The following DMD variants were observed in gnomAD, a reference collection of about 807,000 sequenced individuals.
DMD encodes mutant dystrophin.
Under a neutral mutation model 330.1 loss-of-function variants are expected in DMD, and 63 were observed. The observed-to-expected ratio is 0.19, with a 90% CI of 0.16 to 0.24. The LOEUF is 0.24. Ranked by LOEUF, DMD falls within the 10% of genes least tolerant of loss-of-function variation. DMD has a pLI of 1.00. For missense variants in DMD, 3,344 were observed against 2,684.1 expected, an observed-to-expected ratio of 1.25 and a Z score of -5.43; for synonymous variants, 1,223 against 959.8, an observed-to-expected ratio of 1.27 and a Z score of -5.07.
At chrX:31,308,649 T>C (rs1283836599) in intron 62 of DMD, among the ~76,000 whole-genome samples, 1 of 111,620 alleles carries the variant, frequency 9.0e-6, no homozygotes, top group Admixed American at 9.6e-5. Context: ...TGGACTCAAG[T>C]GATCTTCCTG....
chrX:31,569,573 G>C (rs74493945), intron 55 of DMD, among the ~76,000 whole-genome samples: 1 of 87,291 alleles, frequency 1.1e-5, no homozygotes, highest in Non-Finnish European at 2.4e-5. Flanking sequence ...ATATATATGT[G>C]TATATATATA....
intron 7 of DMD, among the ~76,000 whole-genome samples, chrX:32,790,071 G>T (rs1237896055): frequency 9.0e-6 from 1 of 111,500 alleles, no homozygotes; most frequent in South Asian, 3.7e-4. Context: ...AACTCCACAC[G>T]ATTGCCATAA....
chrX:32,332,953 T>C (rs1438987997), intron 41 of DMD, among the ~76,000 whole-genome samples: 2 of 109,966 alleles, frequency 1.8e-5, no homozygotes, highest in African/African-American at 6.6e-5. Flanking sequence ...AAGACATATA[T>C]AGAATAAATA....
In DMD at chrX:32,998,720, CTTA is replaced by C. The variant is rs755295054; in HGVS notation, c.93+21416_93+21418del. On this transcript the variant is annotated intron_variant, in intron 2 of 78. Transcript: ENST00000357033. ...TTCATTTTCTGTGTATTTTAACTAA[CTTA>C]TTGAGATGCTTGAACAAATTGAAAT... 3.4e-3 allele frequency among the ~76,000 whole-genome samples: 381 copies of C among 111,297 alleles called. 2 individuals carry two copies. Among genetic ancestry groups the C allele is most frequent in the Admixed American group, 5.9e-3 (61 of 10,365 alleles).
intron 44 of DMD, among the ~76,000 whole-genome samples, chrX:32,161,083 A>G (rs777128200): frequency 5.7e-4 from 64 of 111,522 alleles, no homozygotes; most frequent in African/African-American, 2.1e-3. Context: ...CTTGCTTCCT[A>G]TATGCAAACA....
chrX:32,014,543 T>C (rs926933436), intron 44 of DMD, among the ~76,000 whole-genome samples: 1 of 111,701 alleles, frequency 9.0e-6, no homozygotes, highest in Non-Finnish European at 1.9e-5. Context: ...TATTATGACC[T>C]GGGAAAAGTT....
At chrX:31,994,710 T>C (rs1034431676) in intron 44 of DMD, among the ~76,000 whole-genome samples, 2 of 111,645 alleles carry the variant, frequency 1.8e-5, no homozygotes, top group Non-Finnish European at 3.8e-5. Context: ...GACTTGAGGA[T>C]CATCAGCCTT....
chrX:33,307,956 G>A (rs772870479), intron 1 of DMD, among the ~76,000 whole-genome samples: 1 of 111,962 alleles, frequency 8.9e-6, no homozygotes, highest in East Asian at 2.8e-4. Context: ...TTGCTAAGAT[G>A]TGAGGCATAA....
intron 63 of DMD, among the ~76,000 whole-genome samples, chrX:31,232,002 G>A (rs746404021): frequency 9.4e-6 from 1 of 106,576 alleles, no homozygotes; most frequent in African/African-American, 3.4e-5. Flanking sequence ...CTTGGAGAAG[G>A]TGACATTGAA....
intron 1 of DMD, among the ~76,000 whole-genome samples, chrX:33,151,179 T>C (rs748017599): frequency 8.9e-6 from 1 of 112,437 alleles, no homozygotes; most frequent in East Asian, 2.8e-4. Context: ...GCGTTTGATT[T>C]TTAACTACAC....
At chrX:31,173,389 A>G in intron 72 of DMD, 150 bp downstream of exon 72, 1 of 582,845 alleles carries the variant, frequency 1.7e-6, no homozygotes. Flanking sequence ...CATGCAGTGG[A>G]ACGGCATGCA....
intron 44 of DMD, among the ~76,000 whole-genome samples, chrX:32,089,131 C>T (rs922368854): frequency 1.1e-4 from 12 of 111,283 alleles, no homozygotes; most frequent in African/African-American, 3.3e-4. Context: ...AGGGCTTAGT[C>T]GTGTAGCCAT....
At chrX:31,662,742 T>C (rs764626107) in intron 53 of DMD, among the ~76,000 whole-genome samples, 143 of 111,960 alleles carry the variant, frequency 1.3e-3, no homozygotes, top group African/African-American at 4.5e-3. Flanking sequence ...CCCAGTTTTG[T>C]CATCTGTAAA....
At chrX:33,276,983 TTG>T (rs1298240833) in intron 1 of DMD, among the ~76,000 whole-genome samples, 1 of 112,148 alleles carries the variant, frequency 8.9e-6, no homozygotes, top group African/African-American at 3.2e-5. Flanking sequence ...ACGTATACAT[TTG>T]TGTGTGTATG....
At chrX:32,440,101 T>C (rs182096246) in intron 28 of DMD, among the ~76,000 whole-genome samples, 1 of 111,644 alleles carries the variant, frequency 9.0e-6, no homozygotes, top group East Asian at 2.8e-4. Context: ...GACAATTTCA[T>C]AGGCTAACAG....
intron 2 of DMD, among the ~76,000 whole-genome samples, chrX:32,939,967 G>A (rs1327706337): frequency 2.7e-5 from 3 of 111,007 alleles, no homozygotes; most frequent in Non-Finnish European, 3.8e-5. Flanking sequence ...AGCAATCTAC[G>A]AATTAAATGT....
chrX:32,588,988 G>A, intron 13 of DMD, among the ~76,000 whole-genome samples: 1 of 111,568 alleles, frequency 9.0e-6, no homozygotes, highest in Admixed American at 9.5e-5. Flanking sequence ...TGGACTTCAA[G>A]GATGTGTTCA....
At chrX:31,511,434 AACTC>A (rs1337141938) in intron 55 of DMD, among the ~76,000 whole-genome samples, 109 of 98,866 alleles carry the variant, frequency 1.1e-3, no homozygotes, top group Non-Finnish European at 2.0e-3. Flanking sequence ...TGCACCCACT[AACTC>A]ATCATCTAGC....
At chrX:32,242,945 A>T (rs1042769222) in intron 43 of DMD, among the ~76,000 whole-genome samples, 2 of 99,933 alleles carry the variant, frequency 2.0e-5, no homozygotes, top group Admixed American at 2.4e-4. Flanking sequence ...AAGGAAAAGG[A>T]AAAGGAAAAG....
Sources: gnomAD v4.1 joint callset for allele counts (sites outside exome capture counted in the v4.1 genomes callset) on GRCh38, gnomAD v4.1.1 for gene constraint, MANE v1.5 for transcripts, NCBI Gene and HGNC (gene_info 2026-07-23, HGNC 2026-07-21) for gene names.